Variants in CEP63 observed in about 807,000 individuals in gnomAD.
CEP63 encodes centrosomal protein 63, also known as centrosomal protein of 63 kDa.
CEP63 carries 84 observed loss-of-function variants against 89.1 expected under a neutral mutation model. The observed-to-expected ratio is 0.94, with a 90% CI of 0.79 to 1.13. The LOEUF is 1.13. Ranked by LOEUF, CEP63 falls within the 50% of genes most tolerant of loss-of-function variation. CEP63 has a pLI of 0.00. For missense variants in CEP63, 838 were observed against 813.3 expected, an observed-to-expected ratio of 1.03 and a Z score of -0.37; for synonymous variants, 267 against 272.5, an observed-to-expected ratio of 0.98 and a Z score of 0.20.
chr3:134,549,266 G>GA, intron 10 of CEP63, 90 bp downstream of exon 10: 2 of 815,424 alleles, frequency 2.5e-6, no homozygotes, highest in South Asian at 1.4e-5. Flanking sequence ...TTTTTAATGA[G>GA]AAAAAAATGT....
At position 134,580,090 on chromosome 3, in the gene CEP63, G is replaced by C. The variant is rs537855033; in HGVS notation, c.1207-7368G>C. Among the ~76,000 whole-genome samples the C allele has an allele frequency of 2.1e-4, 32 of 152,174 alleles. No individual in the cohort carries two copies. The East Asian group carries it at 5.0e-3, about 24-fold the overall frequency. On this transcript the variant is annotated intron_variant, in intron 10 of 10. Transcript: ENST00000683931. ...GGTGCCTGTAATCCCAGCTACTGGG[G>C]AGGCTGAGGCGGGAGAATCGCTTTA...
At chr3:134,607,990 C>T in the CEP63 span, 1 of 1,029,092 alleles carries the variant, frequency 9.7e-7, no homozygotes, top group Non-Finnish European at 1.2e-6. Context: ...TGTCTAGCTA[C>T]TAGGCCTGTT....
the CEP63 span, among the ~76,000 whole-genome samples, chr3:134,678,164 C>T: frequency 6.6e-6 from 1 of 152,112 alleles, no homozygotes; most frequent in African/African-American, 2.4e-5. Context: ...CCCAGAGCTG[C>T]TTGTTGGTAG....
intron 3 of CEP63, chr3:134,510,647 C>T: frequency 1.5e-6 from 1 of 649,336 alleles, no homozygotes; most frequent in East Asian, 3.6e-5. Context: ...AGTGCACTCA[C>T]TCTCCCTTCT....
chr3:134,602,201 G>A, the CEP63 span, among the ~76,000 whole-genome samples: 9 of 152,152 alleles, frequency 5.9e-5, no homozygotes, highest in Non-Finnish European at 1.5e-5. Context: ...GAGCATGTCT[G>A]TGTGCCAGGA....
downstream of CEP63, among the ~76,000 whole-genome samples, chr3:134,579,966 A>C (rs1009836349): frequency 5.9e-5 from 9 of 152,106 alleles, no homozygotes; most frequent in Admixed American, 3.3e-4. Context: ...TTGGGAGGCC[A>C]AGGTGGATCA....
rs1351431789 is a variant in CEP63, at chr3:134,564,920, T to C, written c.*3385T>C. The stretch of plus-strand genomic sequence containing the variant: ...TACTGTTTTTTAAAGCTGAAGTATC[T>C]AATAGTTAATGGGTTGTCCAAATTT... On this transcript the variant is annotated 3_prime_UTR_variant, in exon 15 of 15. Transcript: ENST00000675561. The C allele has an allele frequency of 1.0e-6, 1 of 983,394 alleles. No homozygotes were observed. Among genetic ancestry groups the C allele is most frequent in the Non-Finnish European group, 1.2e-6 (1 of 828,188 alleles). The allele number at this position is 983,394 out of a possible 1,614,324, so 60.9% of individuals were successfully genotyped here. A position where few individuals can be genotyped will look rare whatever the true frequency, so the allele number is the denominator to read the frequency against.
intron 2 of CEP63, among the ~76,000 whole-genome samples, chr3:134,499,532 AT>A (rs148653760): frequency 6.6e-6 from 1 of 150,508 alleles, no homozygotes; most frequent in East Asian, 2.0e-4. Flanking sequence ...GATCTTTGTT[AT>A]TTTTTTCCTT....
the CEP63 span, among the ~76,000 whole-genome samples, chr3:134,774,159 A>G: frequency 6.6e-6 from 1 of 151,974 alleles, no homozygotes; most frequent in Admixed American, 6.6e-5. Flanking sequence ...TTATTTCTTA[A>G]CTGACTCTTT....
chr3:134,649,227 C>CT, the CEP63 span, among the ~76,000 whole-genome samples: 7 of 152,154 alleles, frequency 4.6e-5, no homozygotes, highest in African/African-American at 1.7e-4. Flanking sequence ...CATTAGGGGT[C>CT]TTTTTTTCTC....
At chr3:134,777,608 ATTTTTTTTTTT>A in the CEP63 span, among the ~76,000 whole-genome samples, 1 of 100,184 alleles carries the variant, frequency 1.0e-5, no homozygotes, top group African/African-American at 4.0e-5. Context: ...AAAGAATAGA[ATTTTTTTTTTT>A]TTTTTTTTTT....
the CEP63 span, among the ~76,000 whole-genome samples, chr3:134,772,279 C>T: frequency 2.4e-5 from 1 of 41,056 alleles, no homozygotes; most frequent in African/African-American, 8.8e-5. Flanking sequence ...CCCCGTGCAG[C>T]TGTGCAGGGC....
the CEP63 span, among the ~76,000 whole-genome samples, chr3:134,624,167 C>A: frequency 1.3e-5 from 2 of 152,130 alleles, no homozygotes; most frequent in Non-Finnish European, 2.9e-5. Flanking sequence ...TATCTGGGAG[C>A]CCCTCTCCCC....
rs6799119 is a variant in CEP63, at chr3:134,526,954, G to T, written c.223-4891G>T. ...TATTGGGCCCCAACTTTTTTCTCTG[G>T]CTCCTTGAAGTTAGGAATCCACTGC... On this transcript the variant is annotated intron_variant, in intron 3 of 14. Transcript: ENST00000675561. 7.0e-3 allele frequency among the ~76,000 whole-genome samples: 1,072 copies of T among 152,116 alleles called. 12 individuals carry two copies. The highest frequency in any genetic ancestry group is 0.025 in the African/African-American group (1,028 of 41,506).
At chr3:134,568,603 G>A (rs1468369860), downstream of CEP63, among the ~76,000 whole-genome samples, 2 of 152,182 alleles carry the variant, frequency 1.3e-5, no homozygotes, top group East Asian at 1.9e-4. Flanking sequence ...GGACAGGAAA[G>A]GTTCCAGATT....
intron 3 of CEP63, among the ~76,000 whole-genome samples, chr3:134,515,581 G>C (rs1387533143): frequency 6.6e-6 from 1 of 152,184 alleles, no homozygotes; most frequent in Non-Finnish European, 1.5e-5. Context: ...ACTTCATAAT[G>C]AGAAAATGTG....
At chr3:134,611,421 T>C in the CEP63 span, among the ~76,000 whole-genome samples, 1 of 152,190 alleles carries the variant, frequency 6.6e-6, no homozygotes, top group Non-Finnish European at 1.5e-5. Flanking sequence ...GCAGCCCTGC[T>C]CCCCTGAGGA....
chr3:134,739,207 A>G, the CEP63 span, among the ~76,000 whole-genome samples: 7 of 152,330 alleles, frequency 4.6e-5, no homozygotes, highest in Admixed American at 3.9e-4. Context: ...TAGCAGTATT[A>G]TTGATAGTGG....
At chr3:134,600,448 G>A in the CEP63 span, among the ~76,000 whole-genome samples, 1 of 152,188 alleles carries the variant, frequency 6.6e-6, no homozygotes, top group Admixed American at 6.5e-5. Flanking sequence ...CAGTGAGGAG[G>A]CTGTCCTGGT....
Sources: gnomAD v4.1 joint callset for allele counts (sites outside exome capture counted in the v4.1 genomes callset) on GRCh38, gnomAD v4.1.1 for gene constraint, MANE v1.5 for transcripts, NCBI Gene and HGNC (gene_info 2026-07-23, HGNC 2026-07-21) for gene names.